Variants in ENTREP3 observed in about 807,000 individuals in gnomAD.
The protein encoded by ENTREP3 is endosomal transmembrane epsin interactor 3.
the ENTREP3 span, chr1:155,251,422 A>G: frequency 9.7e-7 from 1 of 1,027,344 alleles, no homozygotes; most frequent in Non-Finnish European, 1.5e-6. Context: ...TACTATCTTT[A>G]TCCAGAGGCT....
chr1:155,249,051 C>T, the ENTREP3 span, among the ~76,000 whole-genome samples: 2 of 151,848 alleles, frequency 1.3e-5, no homozygotes, highest in Non-Finnish European at 2.9e-5. Context: ...AGTACAATGC[C>T]TATGGCTGAA....
At chr1:155,253,503 T>C in the ENTREP3 span, 225 of 646,280 alleles carry the variant, frequency 3.5e-4, no homozygotes, top group Non-Finnish European at 5.7e-4. Flanking sequence ...GGATAATAGA[T>C]AACCCATAGC....
At chr1:155,248,195 A>G in the ENTREP3 span, 10 of 1,609,800 alleles carry the variant, frequency 6.2e-6, no homozygotes, top group East Asian at 1.1e-4. Context: ...GGGCAGGGGA[A>G]CTTTTTGGAA....
At chr1:155,254,208 G>C in the ENTREP3 span, 1 of 1,600,660 alleles carries the variant, frequency 6.2e-7, no homozygotes, top group South Asian at 1.1e-5. The surrounding 1 kb of genome is among the most constrained non-coding windows in gnomAD (Gnocchi z 4.4). Context: ...GGGAAAACAG[G>C]GTGCAGACTC....
the ENTREP3 span, chr1:155,252,046 C>A: frequency 0.31 from 179,603 of 579,678 alleles, 33,958 homozygotes; most frequent in East Asian, 0.71. Flanking sequence ...CCTCCCTCAC[C>A]CAAAATCAGC....
At chr1:155,254,313 G>T in the ENTREP3 span, 1 of 1,528,540 alleles carries the variant, frequency 6.5e-7, no homozygotes, top group Non-Finnish European at 9.1e-7. The surrounding 1 kb of genome is among the most constrained non-coding windows in gnomAD (Gnocchi z 4.4). Context: ...CAACTGGGGA[G>T]CCAGTTCCCT....
the ENTREP3 span, chr1:155,248,351 G>A: frequency 6.2e-7 from 1 of 1,614,010 alleles, no homozygotes; most frequent in Non-Finnish European, 8.5e-7. Context: ...GTGGAGAGGG[G>A]GCTGGGCAGC....
the ENTREP3 span, chr1:155,250,716 C>A: frequency 1.2e-6 from 2 of 1,613,018 alleles, no homozygotes; most frequent in East Asian, 4.5e-5. This position sits in a 1 kb window ranked among gnomAD's most constrained non-coding sequence, Gnocchi z 5.4. Context: ...GTCCACGGAG[C>A]GCACGGAGCC....
At chr1:155,248,236 C>T in the ENTREP3 span, 1 of 1,604,750 alleles carries the variant, frequency 6.2e-7, no homozygotes, top group Non-Finnish European at 8.5e-7. Context: ...TCTCGGCTGA[C>T]CGGGCACGTA....
chr1:155,251,641 T>C, the ENTREP3 span: 1 of 1,605,006 alleles, frequency 6.2e-7, no homozygotes, highest in Non-Finnish European at 8.5e-7. Context: ...GAGAAATAAT[T>C]CCCCCTCCAC....
the ENTREP3 span, chr1:155,248,320 A>G: frequency 1.9e-6 from 3 of 1,610,342 alleles, no homozygotes; most frequent in Admixed American, 1.7e-5. Context: ...AGAGACAGAG[A>G]TAAGAGAATG....
the ENTREP3 span, chr1:155,254,189 G>A: frequency 6.2e-7 from 1 of 1,612,940 alleles, no homozygotes; most frequent in Non-Finnish European, 8.5e-7. The surrounding 1 kb of genome is among the most constrained non-coding windows in gnomAD (Gnocchi z 4.4). Flanking sequence ...AGGAGAAGAA[G>A]GAGATCTGGG....
At chr1:155,252,750 A>G in the ENTREP3 span, 1 of 8,450 alleles carries the variant, frequency 1.2e-4, no homozygotes, top group Non-Finnish European at 2.8e-4. Context: ...TTTTTTTTTG[A>G]GACGGAGTCT....
the ENTREP3 span, chr1:155,252,720 ATAT>A: frequency 3.4e-5 from 1 of 29,502 alleles, no homozygotes; most frequent in African/African-American, 2.0e-4. Flanking sequence ...ATATATATAT[ATAT>A]TTTTTTTTTT....
chr1:155,254,797 G>A, the ENTREP3 span: 2 of 1,612,772 alleles, frequency 1.2e-6, no homozygotes, highest in Non-Finnish European at 8.5e-7. The surrounding 1 kb of genome is among the most constrained non-coding windows in gnomAD (Gnocchi z 4.4). Flanking sequence ...GCCAGGGTCG[G>A]TGGAGGCGGA....
chr1:155,254,535 C>T, the ENTREP3 span: 3 of 1,579,602 alleles, frequency 1.9e-6, no homozygotes, highest in Non-Finnish European at 2.6e-6. This position sits in a 1 kb window ranked among gnomAD's most constrained non-coding sequence, Gnocchi z 4.4. Context: ...TGCACCCAGC[C>T]CTGTAAGGAG....
chr1:155,250,018 A>G, the ENTREP3 span, among the ~76,000 whole-genome samples: 1 of 151,284 alleles, frequency 6.6e-6, no homozygotes, highest in Non-Finnish European at 1.5e-5. This position sits in a 1 kb window ranked among gnomAD's most constrained non-coding sequence, Gnocchi z 5.4. Flanking sequence ...AGATCATGCC[A>G]CTGCACTCCA....
the ENTREP3 span, chr1:155,248,444 G>A: frequency 6.2e-7 from 1 of 1,613,958 alleles, no homozygotes; most frequent in East Asian, 2.2e-5. Flanking sequence ...TCTTCCTCAA[G>A]CACTTTGGTA....
At chr1:155,254,130 G>A in the ENTREP3 span, 1 of 1,614,066 alleles carries the variant, frequency 6.2e-7, no homozygotes, top group African/African-American at 1.3e-5. This position sits in a 1 kb window ranked among gnomAD's most constrained non-coding sequence, Gnocchi z 4.4. Flanking sequence ...ATTCTTACAG[G>A]AGAGAACAGA....
Sources: gnomAD v4.1 joint callset for allele counts (sites outside exome capture counted in the v4.1 genomes callset) on GRCh38, gnomAD v4.1.1 for gene constraint, Gnocchi (gnomAD v3.1) non-coding constraint, MANE v1.5 for transcripts, NCBI Gene and HGNC (gene_info 2026-07-23, HGNC 2026-07-21) for gene names.